Variants in DOCK9 observed in about 807,000 individuals in gnomAD.
The protein encoded by DOCK9 is dedicator of cytokinesis protein 9.
In DOCK9, 89 loss-of-function variants were observed where a neutral mutation model predicts 263.3. That is an observed-to-expected ratio of 0.34 (90% confidence interval 0.28 to 0.40). The LOEUF (loss-of-function observed/expected upper bound fraction) is 0.40. Ranked by LOEUF, DOCK9 falls within the 10% of genes least tolerant of loss-of-function variation. The probability of loss-of-function intolerance (pLI) is 1.00; values close to 1 mark genes in which losing one functional copy is unlikely to be tolerated. For synonymous variants in DOCK9, 976 were observed against 973.1 expected (o/e 1.00, Z -0.06); for missense variants, 2,140 against 2,603.4 (o/e 0.82, Z 3.87).
At chr13:98,927,629 A>AT (rs199793659) in intron 3 of DOCK9, among the ~76,000 whole-genome samples, 1,776 of 87,840 alleles carry the variant, frequency 0.02, 24 homozygotes, top group African/African-American at 0.043. Context: ...TTATTTATTT[A>AT]TTTTTTTTTA....
At chr13:98,848,679 T>G in intron 36 of DOCK9, 40 bp from the exon 37 acceptor site, 1 of 1,584,912 alleles carries the variant, frequency 6.3e-7, no homozygotes. Flanking sequence ...AATGCAAAGA[T>G]AAAATTATTT....
intron 38 of DOCK9, among the ~76,000 whole-genome samples, chr13:98,844,611 CTGCTTGGCCACCAGCAG>C (rs57881938): frequency 0.21 from 31,258 of 152,008 alleles, 3,372 homozygotes; most frequent in South Asian, 0.27. Context: ...GATCCACCTG[CTGCTTGGCCACCAGCAG>C]CTTGGCCTCC....
intron 1 of DOCK9, among the ~76,000 whole-genome samples, chr13:98,973,954 T>C (rs1312749015): frequency 6.6e-6 from 1 of 152,144 alleles, no homozygotes; most frequent in Non-Finnish European, 1.5e-5. Context: ...CTCTTCTCAA[T>C]CTTCACATCC....
intron 1 of DOCK9, among the ~76,000 whole-genome samples, chr13:99,016,555 T>C (rs1885440578): frequency 6.6e-6 from 1 of 152,256 alleles, no homozygotes; most frequent in South Asian, 2.1e-4. Flanking sequence ...AGCATGATTA[T>C]GTTTGGTGTG....
At chr13:98,844,251 T>C (rs1193618412) in intron 38 of DOCK9, among the ~76,000 whole-genome samples, 1 of 152,262 alleles carries the variant, frequency 6.6e-6, no homozygotes, top group East Asian at 1.9e-4. Flanking sequence ...TACAGCTAAG[T>C]GTAGAACTCA....
intron 37 of DOCK9, chr13:98,846,491 T>G: frequency 7.4e-7 from 1 of 1,345,072 alleles, no homozygotes; most frequent in Non-Finnish European, 9.8e-7. Context: ...AGGAAGGGAT[T>G]ATATGAGTTT....
chr13:99,028,571 C>T (rs145612127), intron 1 of DOCK9, among the ~76,000 whole-genome samples: 109 of 152,230 alleles, frequency 7.2e-4, no homozygotes, highest in African/African-American at 2.3e-3. Context: ...AGGGAGGGAA[C>T]GAGAACAAAT....
chr13:98,891,796 C>T (rs1353514869), intron 15 of DOCK9, among the ~76,000 whole-genome samples: 1 of 143,940 alleles, frequency 6.9e-6, no homozygotes, highest in Non-Finnish European at 1.5e-5. Flanking sequence ...TATTATGTAG[C>T]ACATGGGCTT....
chr13:98,809,659 G>C (rs925153926), intron 46 of DOCK9, among the ~76,000 whole-genome samples, 194 bp from the exon 47 acceptor site: 1 of 152,200 alleles, frequency 6.6e-6, no homozygotes, highest in Admixed American at 6.5e-5. Context: ...GCCCACACGT[G>C]AGGACCCATC....
chr13:98,903,132 C>T lies in DOCK9; in HGVS notation c.1036-20G>A. 1 of 1,479,794 alleles carries T rather than the reference C, an allele frequency of 6.8e-7. No homozygotes were observed. Among genetic ancestry groups the T allele is most frequent in the South Asian group, 1.4e-5 (1 of 73,474 alleles). The allele number at this position is 1,479,794 out of a possible 1,614,324, so 91.7% of individuals were successfully genotyped here. On this transcript the variant is annotated intron_variant, in intron 10 of 52. Coordinates refer to ENST00000682017, the MANE Select transcript of DOCK9 (RefSeq NM_001366683.2). ...AAGCTTCTTTAAAAGAAAATGTAAACATATAAATAAGTTATGCTCTTATTT... is the reference window on the plus strand; with the variant it reads ...AAGCTTCTTTAAAAGAAAATGTAAATATATAAATAAGTTATGCTCTTATTT...
upstream of DOCK9, among the ~76,000 whole-genome samples, chr13:98,980,391 C>T (rs905287224): frequency 2.6e-5 from 4 of 152,358 alleles, no homozygotes; most frequent in African/African-American, 4.8e-5. Flanking sequence ...TGCCCAGAGA[C>T]GTTAAATACT....
At chr13:99,087,660 C>T (rs1289703346), upstream of DOCK9, among the ~76,000 whole-genome samples, 1 of 152,194 alleles carries the variant, frequency 6.6e-6, no homozygotes, top group Admixed American at 6.5e-5. Context: ...CAGCCTAACC[C>T]TCACAGGGCC....
intron 1 of DOCK9, among the ~76,000 whole-genome samples, chr13:99,040,344 G>GC (rs1449390409): frequency 1.3e-5 from 2 of 151,892 alleles, no homozygotes; most frequent in African/African-American, 4.8e-5. Flanking sequence ...CCAAACTAAG[G>GC]CAAGTCCTTT....
Position 98,810,143 on chromosome 13 carries a change from A to G in DOCK9, c.5253+26T>C, listed in dbSNP as rs747713487. 5 of 1,613,372 alleles carry G rather than the reference A, an allele frequency of 3.1e-6. No individual in the cohort carries two copies. In the African/African-American group the frequency reaches 4.0e-5, roughly 13 times the overall value. ...TCACAGCGTCATGCTCTCAAATAGG[A>G]AAAAAACAAAAAGGCACTCTCATAC... On this transcript the variant is annotated intron_variant, in intron 46 of 52. Transcript: ENST00000682017.
At chr13:98,801,163 C>T (rs2139964853) in intron 49 of DOCK9, among the ~76,000 whole-genome samples, 1 of 152,210 alleles carries the variant, frequency 6.6e-6, no homozygotes, top group Non-Finnish European at 1.5e-5. Context: ...GTGGTATATG[C>T]CTGTAGTCCC....
chr13:98,978,327 C>T (rs1361421737), upstream of DOCK9, among the ~76,000 whole-genome samples: 5 of 152,190 alleles, frequency 3.3e-5, no homozygotes, highest in African/African-American at 1.2e-4. Flanking sequence ...AAATCTGAAG[C>T]TCGTGGAGCT....
At chr13:98,798,209 G>A (rs1188282960) in intron 50 of DOCK9, among the ~76,000 whole-genome samples, 1 of 152,220 alleles carries the variant, frequency 6.6e-6, no homozygotes, top group Non-Finnish European at 1.5e-5. Flanking sequence ...AGGCGTCTGA[G>A]ACAGCCTGGG....
At chr13:98,846,151 C>A in intron 37 of DOCK9, 91 bp from the exon 38 acceptor site, 1 of 1,429,774 alleles carries the variant, frequency 7.0e-7, no homozygotes, top group Non-Finnish European at 9.5e-7. Flanking sequence ...GAACATGGCA[C>A]GAGGGAGATG....
intron 1 of DOCK9, among the ~76,000 whole-genome samples, chr13:98,962,189 A>T (rs1431653401): frequency 6.6e-6 from 1 of 152,262 alleles, no homozygotes; most frequent in Non-Finnish European, 1.5e-5. Flanking sequence ...ATAAAAGAAT[A>T]TGAAGCCCTA....
Sources: allele counts gnomAD v4.1 joint callset (sites outside exome capture counted in the v4.1 genomes callset), GRCh38; gene constraint gnomAD v4.1.1; transcripts MANE v1.5; gene names NCBI Gene and HGNC (gene_info 2026-07-23, HGNC 2026-07-21).